The following TIAM1 variants were observed in gnomAD, a reference collection of about 807,000 sequenced individuals.
TIAM1 encodes the protein rho guanine nucleotide exchange factor TIAM1.
In TIAM1, 65 loss-of-function variants were observed where a neutral mutation model predicts 163.5. That is an observed-to-expected ratio of 0.40 (90% CI 0.33 to 0.49). The LOEUF is 0.49. Ranked by LOEUF, TIAM1 falls within the 20% of genes least tolerant of loss-of-function variation. The pLI is 0.77. For missense variants in TIAM1, 1,789 were observed against 2,044.7 expected (o/e 0.87, Z 2.41); for synonymous variants, 833 against 810.1 (o/e 1.03, Z -0.48).
Position 31,334,494 on chromosome 21 carries a change from T to C in TIAM1, c.-189+4749A>G, listed in dbSNP as rs114316407. 8.1e-3 allele frequency among the ~76,000 whole-genome samples: 1,231 copies of C among 152,292 alleles called. 15 individuals are homozygous for C. Among genetic ancestry groups the C allele is most frequent in the African/African-American group, 0.027 (1,138 of 41,570 alleles). On this transcript the variant is annotated intron_variant, in intron 2 of 27. Transcript: ENST00000541036. ...CAGTCCTCATTACACATATTGATGC[T>C]GTTTGATCAGCAAAAAAATCCCACT...
intron 2 of TIAM1, among the ~76,000 whole-genome samples, chr21:31,421,955 A>G (rs1034542135): frequency 6.6e-6 from 1 of 152,060 alleles, no homozygotes; most frequent in Admixed American, 6.6e-5. Flanking sequence ...ACACCACTGC[A>G]CTCCAGTCGA....
At chr21:31,493,753 G>T (rs2046551085) in intron 1 of TIAM1, among the ~76,000 whole-genome samples, 1 of 152,142 alleles carries the variant, frequency 6.6e-6, no homozygotes, top group South Asian at 2.1e-4. Flanking sequence ...CAGGTGACCT[G>T]GTCTGGAGCT....
At chr21:31,419,104 A>T (rs1477605759) in intron 2 of TIAM1, among the ~76,000 whole-genome samples, 1 of 152,180 alleles carries the variant, frequency 6.6e-6, no homozygotes, top group Non-Finnish European at 1.5e-5. Flanking sequence ...AGACCCTGGT[A>T]ACTAAACTCC....
intron 1 of TIAM1, among the ~76,000 whole-genome samples, chr21:31,542,838 C>T (rs2048363642): frequency 6.6e-6 from 1 of 151,814 alleles, no homozygotes; most frequent in South Asian, 2.1e-4. Flanking sequence ...GATGGTGGTG[C>T]GCACCTGTAG....
At chr21:31,230,641 C>A (rs1384032057) in intron 6 of TIAM1, among the ~76,000 whole-genome samples, 1 of 152,206 alleles carries the variant, frequency 6.6e-6, no homozygotes, top group Non-Finnish European at 1.5e-5. Flanking sequence ...TCTCCTGCCT[C>A]AGCCTCCCTA....
chr21:31,184,395 C>T (rs1272893062), intron 14 of TIAM1, among the ~76,000 whole-genome samples: 4 of 152,134 alleles, frequency 2.6e-5, no homozygotes, highest in South Asian at 4.1e-4. Flanking sequence ...TGTGAGCCAC[C>T]GTGCCCGGCC....
In TIAM1 at chr21:31,120,446, C is replaced by G; in HGVS notation, c.4698G>C (p.Leu1566=). ...AAATGACTTCCTCGCTTGCGCTCTC[C>G]AGGCCTCCATTGATCCCCGACAGGG... ...QAALSGINGG[L]ESASEEVIWV... is the part of the protein sequence containing the mutation. Residue 1566 remains leucine, a synonymous_variant, in exon 28 of 28, where the codon CTG becomes CTC. Transcript: ENST00000541036. This position sits in a 1 kb window ranked among gnomAD's most constrained non-coding sequence, Gnocchi z 4.2. The G allele has an allele frequency of 6.2e-7, 1 of 1,614,212 alleles. No homozygotes were observed.
intron 1 of TIAM1, among the ~76,000 whole-genome samples, chr21:31,543,080 T>C (rs2048370443): frequency 6.6e-6 from 1 of 152,236 alleles, no homozygotes. Flanking sequence ...GTTTATCTGC[T>C]GGTTCCAAAC....
intron 2 of TIAM1, among the ~76,000 whole-genome samples, chr21:31,300,540 C>T (rs182380548): frequency 6.6e-6 from 1 of 152,272 alleles, no homozygotes; most frequent in African/African-American, 2.4e-5. Flanking sequence ...CTGAACCCCT[C>T]GTCAATGATA....
chr21:31,446,219 G>A (rs1051535612), intron 2 of TIAM1, among the ~76,000 whole-genome samples: 44 of 48,340 alleles, frequency 9.1e-4, no homozygotes, highest in Admixed American at 1.1e-3. Flanking sequence ...GGGATTACAG[G>A]TGTGAGCCAC....
chr21:31,272,633 A>G (rs59987669), intron 3 of TIAM1, among the ~76,000 whole-genome samples: 18,409 of 152,234 alleles, frequency 0.12, 1,712 homozygotes, highest in East Asian at 0.42. Flanking sequence ...TGTGAATCAT[A>G]ATTATTTTGA....
intron 2 of TIAM1, among the ~76,000 whole-genome samples, chr21:31,354,805 T>C (rs2076288687): frequency 6.6e-6 from 1 of 152,170 alleles, no homozygotes; most frequent in Non-Finnish European, 1.5e-5. Context: ...CTCAGATGCC[T>C]GGTTTCTGAG....
At chr21:31,168,344 G>A (rs763922722) in intron 15 of TIAM1, among the ~76,000 whole-genome samples, 10 of 151,914 alleles carry the variant, frequency 6.6e-5, no homozygotes, top group Admixed American at 3.9e-4. Context: ...TGCCCACCTC[G>A]GCCCCCCAAA....
In TIAM1 at chr21:31,141,074, C is replaced by T. The variant is rs948836622; in HGVS notation, c.3774+44G>A. 2.8e-6 allele frequency: 4 copies of T among 1,453,760 alleles called. No individual in the cohort carries two copies. The highest frequency in any genetic ancestry group is 1.8e-4 in the Middle Eastern group (1 of 5,570). 90.1% of individuals were successfully genotyped at this position (1,453,760 alleles called of 1,614,324 possible). ...ATAAATAAATAAAAGCAAACTCAAACTCGGCTTTCCTGACAGATGTCCTGA... is the reference window on the plus strand; with the variant it reads ...ATAAATAAATAAAAGCAAACTCAAATTCGGCTTTCCTGACAGATGTCCTGA... On this transcript the variant is annotated intron_variant, in intron 22 of 27. Coordinates refer to ENST00000541036, the MANE Select transcript of TIAM1 (RefSeq NM_001353694.2). This position sits in a 1 kb window ranked among gnomAD's most constrained non-coding sequence, Gnocchi z 4.7.
At chr21:31,225,633 G>T (rs1319468128) in intron 7 of TIAM1, 93 bp downstream of exon 7, 3 of 988,516 alleles carry the variant, frequency 3.0e-6, no homozygotes, top group Non-Finnish European at 4.5e-6. Flanking sequence ...GATATCCGAT[G>T]ATGTTTCACG....
In TIAM1 at chr21:31,438,039, A is replaced by C. The variant is rs577292922; in HGVS notation, c.-369+25944T>G. ...ATAAGAGGTTAACCCTTCCAAGATGATGCTGCAGGAATTCATGAATGGAGC... is the reference window on the plus strand; with the variant it reads ...ATAAGAGGTTAACCCTTCCAAGATGCTGCTGCAGGAATTCATGAATGGAGC... On this transcript the variant is annotated intron_variant, in intron 2 of 28. Coordinates refer to the TIAM1 transcript ENST00000286827. 3.9e-5 allele frequency among the ~76,000 whole-genome samples: 6 copies of C among 152,306 alleles called. No individual in the cohort carries two copies. In the South Asian group the frequency reaches 1.0e-3, roughly 26 times the overall value.
chr21:31,318,705 A>T (rs2075208383), intron 2 of TIAM1, among the ~76,000 whole-genome samples: 1 of 152,196 alleles, frequency 6.6e-6, no homozygotes, highest in Non-Finnish European at 1.5e-5. Context: ...GAGGGGAAAA[A>T]ATGGAAAGAG....
At chr21:31,157,834 A>C (rs546864629) in intron 16 of TIAM1, among the ~76,000 whole-genome samples, 1 of 152,360 alleles carries the variant, frequency 6.6e-6, no homozygotes, top group South Asian at 2.1e-4. Flanking sequence ...ACGTTATCTG[A>C]GGAACTGCCA....
At position 31,172,602 on chromosome 21, in the gene TIAM1, C is replaced by G. The variant is rs80160495; in HGVS notation, c.2888-7537G>C. 3.8e-3 allele frequency among the ~76,000 whole-genome samples: 582 copies of G among 152,086 alleles called. 6 individuals carry two copies. The highest frequency in any genetic ancestry group is 0.013 in the African/African-American group (538 of 41,496). ...CACTGCCAGGCATGCAGCAGGGGACCGGGGGAGAGGAAGAGGGCTCGGTCT... is the reference window on the plus strand; with the variant it reads ...CACTGCCAGGCATGCAGCAGGGGACGGGGGGAGAGGAAGAGGGCTCGGTCT... On this transcript the variant is annotated intron_variant, in intron 15 of 27. Transcript: ENST00000541036.
Sources: gnomAD v4.1 joint callset for allele counts (sites outside exome capture counted in the v4.1 genomes callset) on GRCh38, gnomAD v4.1.1 for gene constraint, Gnocchi (gnomAD v3.1) non-coding constraint, MANE v1.5 for transcripts, NCBI Gene and HGNC (gene_info 2026-07-23, HGNC 2026-07-21) for gene names.